The following DCHS2 variants were observed in gnomAD, a reference collection of about 807,000 sequenced individuals.
The protein encoded by DCHS2 is protocadherin-23.
In DCHS2, 142 loss-of-function variants were observed where a neutral mutation model predicts 182.4. The ratio of observed to expected loss-of-function variants is 0.78; its 90% CI spans 0.68 to 0.89. The LOEUF is 0.89. DCHS2 is among the 40% of genes least tolerant of loss of function. DCHS2 has a pLI of 0.00. For missense variants in DCHS2, 4,319 were observed against 4,198.6 expected (o/e 1.03, Z -0.79); for synonymous variants, 1,740 against 1,663.3 (o/e 1.05, Z -1.12).
At chr4:154,245,699 T>C (rs1179847022) in intron 16 of DCHS2, among the ~76,000 whole-genome samples, 1 of 152,198 alleles carries the variant, frequency 6.6e-6, no homozygotes, top group Non-Finnish European at 1.5e-5. Flanking sequence ...AAACCTTTTA[T>C]AATAAGTTAT....
At chr4:154,401,568 G>A (rs2110872742) in intron 1 of DCHS2, among the ~76,000 whole-genome samples, 1 of 152,286 alleles carries the variant, frequency 6.6e-6, no homozygotes, top group South Asian at 2.1e-4. Flanking sequence ...TCTTAATGAT[G>A]TCTTTTGATG....
At chr4:154,467,684 T>C (rs1735294889) in intron 1 of DCHS2, among the ~76,000 whole-genome samples, 3 of 152,170 alleles carry the variant, frequency 2.0e-5, no homozygotes, top group African/African-American at 4.8e-5. Context: ...TAGATATTTG[T>C]AGGTTGAATT....
rs1730354990 is a variant in DCHS2 at position 154,366,322 on chromosome 4, G to A, written c.2364C>T (p.Thr788=). 3.1e-6 allele frequency: 5 copies of A among 1,613,658 alleles called. No homozygotes were observed. Among genetic ancestry groups the A allele is most frequent in the Middle Eastern group, 1.7e-4 (1 of 6,058 alleles). ...TSISDETQPG[T]EIINVLATDQ... ...CAGTGGCAAGAACATTGATGATCTC[G>A]GTGCCTGGCTGGGTCTCATCACTGA... Residue 788 remains threonine (T), a synonymous_variant, in exon 3 of 20, where the codon ACC becomes ACT. Transcript: ENST00000357232.
At chr4:154,354,720 C>G (rs911781832) in intron 3 of DCHS2, 4 of 152,126 alleles carry the variant, frequency 2.6e-5, no homozygotes, top group Non-Finnish European at 5.9e-5. Context: ...CAAATTTAAA[C>G]TTGCCTGTCA....
At chr4:154,436,219 G>T (rs1733771350) in intron 1 of DCHS2, among the ~76,000 whole-genome samples, 2 of 152,066 alleles carry the variant, frequency 1.3e-5, no homozygotes, top group South Asian at 4.1e-4. Context: ...CAATAATAAG[G>T]CTGAATTTTT....
intron 1 of DCHS2, among the ~76,000 whole-genome samples, chr4:154,435,398 C>A (rs1401361308): frequency 1.3e-5 from 2 of 152,052 alleles, no homozygotes; most frequent in African/African-American, 2.4e-5. Context: ...AGATCGAGAC[C>A]ATCCTGTGTT....
At chr4:154,389,680 A>C (rs1364778314) in intron 1 of DCHS2, among the ~76,000 whole-genome samples, 5 of 151,974 alleles carry the variant, frequency 3.3e-5, no homozygotes, top group Non-Finnish European at 5.9e-5. Context: ...GATTTATTAC[A>C]GGATCCAGTA....
At chr4:154,383,807 C>T (rs1247457503) in intron 1 of DCHS2, among the ~76,000 whole-genome samples, 1 of 151,026 alleles carries the variant, frequency 6.6e-6, no homozygotes, top group African/African-American at 2.4e-5. Context: ...ATTGTACACT[C>T]AACTCAGCAA....
At position 154,490,570 on chromosome 4, in the gene DCHS2, G is replaced by A; in HGVS notation, c.786C>T (p.His262=). The change falls in exon 1 of 20, where the codon CAC becomes CAT. Residue 262 remains histidine, a synonymous_variant. Transcript: ENST00000357232. ...CGTCCCATGCCTCGATCTGCAGCCG[G>A]TGCGCCGCCGCCTCCTCTCGGTCCA... ...RRLDREEAAA[H]RLQIEAWDGG... 6.5e-7 allele frequency: 1 copy of A among 1,542,942 alleles called. No individual in the cohort carries two copies. The highest frequency in any genetic ancestry group is 1.2e-5 in the South Asian group (1 of 83,964).
At chr4:154,288,456 T>C (rs1201464400) in intron 13 of DCHS2, among the ~76,000 whole-genome samples, 2 of 152,052 alleles carry the variant, frequency 1.3e-5, no homozygotes, top group Non-Finnish European at 2.9e-5. Flanking sequence ...TTGACCCCAG[T>C]ACAATAATAG....
intron 3 of DCHS2, among the ~76,000 whole-genome samples, chr4:154,343,987 G>C (rs1263504200): frequency 6.6e-6 from 1 of 152,108 alleles, no homozygotes; most frequent in African/African-American, 2.4e-5. Context: ...GGCCATTATA[G>C]GGTTATTAAC....
In DCHS2 at chr4:154,302,966, C is replaced by A. The variant is rs1295987400; in HGVS notation, c.5605+1703G>T. Reference sequence around the variant, plus strand: ...ACACACACACACACACACACACACACACCCACACACACACATATTTTTTTT... The same window carrying A: ...ACACACACACACACACACACACACAAACCCACACACACACATATTTTTTTT... On this transcript the variant is annotated intron_variant, in intron 12 of 19. Transcript: ENST00000357232. 1.3e-3 allele frequency among the ~76,000 whole-genome samples: 30 copies of A among 23,076 alleles called. 2 individuals carry two copies. Among genetic ancestry groups the A allele is most frequent in the Middle Eastern group, 0.025 (2 of 80 alleles). The allele number at this position is 23,076 out of a possible 152,430, so 15.1% of individuals were successfully genotyped here. A position where few individuals can be genotyped will look rare whatever the true frequency, so the allele number is the denominator to read the frequency against.
rs377690985 is a variant in DCHS2 at position 154,297,846 on chromosome 4, C to T, written c.6463+5G>A. ...AATATATGAAAAACTTGAAGGGACA[C>T]TCACCTGCCTCACAATTTTCAGTCA... On this transcript the variant is annotated splice_donor_5th_base_variant and intron_variant, in intron 13 of 19. Transcript: ENST00000357232. 7 of 1,601,634 alleles carry T rather than the reference C, an allele frequency of 4.4e-6. No individual in the cohort carries two copies. The South Asian group carries it at 4.5e-5, about 10-fold the overall frequency.
At chr4:154,267,622 C>G (rs969516078) in intron 14 of DCHS2, among the ~76,000 whole-genome samples, 1 of 152,130 alleles carries the variant, frequency 6.6e-6, no homozygotes, top group African/African-American at 2.4e-5. Context: ...CCACATAGTA[C>G]CAGAGTTCAT....
At chr4:154,472,010 G>A (rs1438107062) in intron 1 of DCHS2, among the ~76,000 whole-genome samples, 1 of 142,492 alleles carries the variant, frequency 7.0e-6, no homozygotes, top group East Asian at 2.1e-4. Context: ...CTCATGTCCT[G>A]TTAGTCTCTA....
At chr4:154,444,486 A>G (rs1734180096) in intron 1 of DCHS2, among the ~76,000 whole-genome samples, 1 of 152,104 alleles carries the variant, frequency 6.6e-6, no homozygotes, top group South Asian at 2.1e-4. Context: ...CTTCTCCACA[A>G]TGAGAACATA....
chr4:154,453,969 T>C (rs1454969429), intron 1 of DCHS2, among the ~76,000 whole-genome samples: 4 of 152,218 alleles, frequency 2.6e-5, no homozygotes, highest in African/African-American at 9.6e-5. Context: ...ATGTGACAAA[T>C]ACTAATATAG....
chr4:154,407,849 G>A (rs867416356), intron 1 of DCHS2, among the ~76,000 whole-genome samples: 1 of 152,126 alleles, frequency 6.6e-6, no homozygotes. Context: ...CAAAAGCCCT[G>A]CATAAAGATA....
chr4:154,486,517 T>C, intron 1 of DCHS2: 2 of 1,304,560 alleles, frequency 1.5e-6, no homozygotes, highest in Non-Finnish European at 2.0e-6. Context: ...TGAGCAGATA[T>C]AAGCTGTAAA....
Sources: gnomAD v4.1 joint callset for allele counts (sites outside exome capture counted in the v4.1 genomes callset) on GRCh38, gnomAD v4.1.1 for gene constraint, MANE v1.5 for transcripts, NCBI Gene and HGNC (gene_info 2026-07-23, HGNC 2026-07-21) for gene names.